The following SCN11A variants were observed in gnomAD, a reference collection of about 807,000 sequenced individuals.
SCN11A encodes the protein sodium channel protein type 11 subunit alpha.
In SCN11A, 122 loss-of-function variants were observed where a neutral mutation model predicts 162.2. The ratio of observed to expected loss-of-function variants is 0.75; its 90% CI spans 0.65 to 0.87. The LOEUF is 0.87. SCN11A is among the 40% of genes least tolerant of loss of function. The pLI is 0.00. For missense variants in SCN11A, 2,015 were observed against 2,181.6 expected, an observed-to-expected ratio of 0.92 and a Z score of 1.52; for synonymous variants, 758 against 751.5, an observed-to-expected ratio of 1.01 and a Z score of -0.14.
chr3:38,925,090 A>G (rs1243802904), intron 9 of SCN11A, among the ~76,000 whole-genome samples: 1 of 151,516 alleles, frequency 6.6e-6, no homozygotes, highest in Non-Finnish European at 1.5e-5. Context: ...TTTTCTTTAT[A>G]TTTTCCCTGG....
In SCN11A at chr3:38,870,677, G is replaced by A. The variant is rs757450924; in HGVS notation, c.3813+14C>T. On this transcript the variant is annotated intron_variant, in intron 26 of 29. Transcript: ENST00000302328. Reference sequence around the variant, plus strand: ...GACCATAACACTCCAGAACATGGTAGAACACTGACTCACCTCTGTGGAATC... The same window carrying A: ...GACCATAACACTCCAGAACATGGTAAAACACTGACTCACCTCTGTGGAATC... 6 of 1,610,282 alleles carry A rather than the reference G, an allele frequency of 3.7e-6. No homozygotes were observed. The highest frequency in any genetic ancestry group is 4.2e-6 in the Non-Finnish European group (5 of 1,176,636).
chr3:38,949,265 G>A (rs2066563752), intron 5 of SCN11A, among the ~76,000 whole-genome samples: 4 of 152,206 alleles, frequency 2.6e-5, no homozygotes, highest in African/African-American at 9.6e-5. Flanking sequence ...TTCCTGAAAG[G>A]GCCAAGTGTG....
Position 39,003,133 on chromosome 3 carries a change from G to A in SCN11A, c.-280+29247C>T, listed in dbSNP as rs1323246720. Among the ~76,000 whole-genome samples the A allele has an allele frequency of 2.0e-5, 3 of 152,274 alleles. No individual in the cohort carries two copies. The East Asian group carries it at 5.8e-4, about 29-fold the overall frequency. ...ACAGATTATTCAATCACCCAGGTAT[G>A]AAGTCCAGTACCGAATAGCTATCAT... is the stretch of plus-strand genomic sequence containing the variant. On this transcript the variant is annotated intron_variant, in intron 2 of 29. Coordinates refer to ENST00000302328, the MANE Select transcript of SCN11A (RefSeq NM_001349253.2).
intron 20 of SCN11A, 127 bp from the exon 21 acceptor site, chr3:38,885,529 G>C (rs2065383766): frequency 3.2e-6 from 2 of 617,850 alleles, no homozygotes. Flanking sequence ...TCTAGGATGA[G>C]AGGTGTCAAG....
At chr3:38,907,310 A>ATGTGTGTGTGTG (rs141158768) in intron 14 of SCN11A, among the ~76,000 whole-genome samples, 2,083 of 119,072 alleles carry the variant, frequency 0.017, 38 homozygotes, top group Middle Eastern at 0.027. Flanking sequence ...ACCAACATAT[A>ATGTGTGTGTGTG]TGTGTGTGTG....
chr3:39,039,747 G>C (rs191717198), intron 1 of SCN11A, among the ~76,000 whole-genome samples: 1 of 152,176 alleles, frequency 6.6e-6, no homozygotes, highest in East Asian at 1.9e-4. Context: ...GCTGCCTTAT[G>C]CATGGGCACC....
rs554360906 is a variant in SCN11A, at chr3:39,021,012, G to GA, written c.-280+11367dup. ...TAGTGAGAGAAGAGCTATTACAACA[G>GA]AGAGAACCTTCTGACCATAAGATCT... On this transcript the variant is annotated intron_variant, in intron 2 of 29. Coordinates refer to ENST00000302328, the MANE Select transcript of SCN11A (RefSeq NM_001349253.2). 3.6e-3 allele frequency among the ~76,000 whole-genome samples: 544 copies of GA among 151,990 alleles called. 9 individuals carry two copies. Among genetic ancestry groups the GA allele is most frequent in the African/African-American group, 0.013 (521 of 41,438 alleles).
intron 2 of SCN11A, among the ~76,000 whole-genome samples, chr3:38,998,775 G>T (rs1454573712): frequency 6.6e-6 from 1 of 151,932 alleles, no homozygotes; most frequent in Non-Finnish European, 1.5e-5. Flanking sequence ...GATGAAGCTG[G>T]AAACCATCAT....
In SCN11A at chr3:38,850,659, CATGCTA is replaced by C. The variant is rs973636502; in HGVS notation, c.4143_4148del (p.Ile1381_Ser1382del). ...TGGGTTGGTTGTATGATTCAGCCAT[CATGCTA>C]ATCATGTTTAGGATAATGAGACTTA... On this transcript the variant is annotated inframe_deletion, in exon 29 of 30. Coordinates refer to ENST00000302328, the MANE Select transcript of SCN11A (RefSeq NM_001349253.2). The C allele has an allele frequency of 1.2e-6, 2 of 1,613,526 alleles. No individual in the cohort carries two copies. Among genetic ancestry groups the C allele is most frequent in the African/African-American group, 2.7e-5 (2 of 74,868 alleles).
rs781378326 is a variant in SCN11A at position 38,867,308 on chromosome 3, C to T, written c.3951+13G>A. On this transcript the variant is annotated intron_variant, in intron 27 of 29. Transcript: ENST00000302328. ...AGATAAAATTACCAAATCAAGACAACCCAGATACTTATCTTTTTCTGCTGT... is the reference window on the plus strand; with the variant it reads ...AGATAAAATTACCAAATCAAGACAATCCAGATACTTATCTTTTTCTGCTGT... 5 of 1,609,970 alleles carry T rather than the reference C, an allele frequency of 3.1e-6. No individual in the cohort carries two copies. Among genetic ancestry groups the T allele is most frequent in the African/African-American group, 1.3e-5 (1 of 74,716 alleles).
chr3:39,043,007 A>ATC (rs886459869), intron 1 of SCN11A, among the ~76,000 whole-genome samples: 25 of 151,520 alleles, frequency 1.6e-4, no homozygotes, highest in Admixed American at 3.3e-4. Flanking sequence ...TGAGCAAAAG[A>ATC]TCTGACTAGA....
intron 2 of SCN11A, among the ~76,000 whole-genome samples, chr3:38,973,018 C>T (rs1021153636): frequency 6.6e-6 from 1 of 152,030 alleles, no homozygotes; most frequent in Non-Finnish European, 1.5e-5. Flanking sequence ...GTTTTAGTTA[C>T]ATTATATAGG....
At chr3:38,950,057 ACCCCC>A in intron 5 of SCN11A, 34 bp downstream of exon 5, 43 of 100,336 alleles carry the variant, frequency 4.3e-4, no homozygotes, top group Non-Finnish European at 5.3e-4. Flanking sequence ...TGGTTAGAAC[ACCCCC>A]ACCCCCACCC....
At chr3:38,895,157 T>C (rs550236560) in intron 18 of SCN11A, among the ~76,000 whole-genome samples, 193 bp from the exon 19 acceptor site, 7 of 152,044 alleles carry the variant, frequency 4.6e-5, no homozygotes, top group Non-Finnish European at 8.8e-5. Flanking sequence ...TAAGACAGAA[T>C]AAAAATTGAA....
At chr3:39,030,707 G>T (rs2031725493) in intron 2 of SCN11A, among the ~76,000 whole-genome samples, 1 of 152,142 alleles carries the variant, frequency 6.6e-6, no homozygotes, top group South Asian at 2.1e-4. Flanking sequence ...AGCCAGTTCA[G>T]CTCCTAACAA....
intron 11 of SCN11A, among the ~76,000 whole-genome samples, chr3:38,912,587 C>A (rs2125540274): frequency 6.6e-6 from 1 of 152,192 alleles, no homozygotes; most frequent in East Asian, 1.9e-4. Context: ...AGGTACTAAG[C>A]CTAGTACCCA....
At chr3:38,918,091 T>G (rs1668543583) in intron 11 of SCN11A, among the ~76,000 whole-genome samples, 1 of 151,500 alleles carries the variant, frequency 6.6e-6, no homozygotes, top group South Asian at 2.1e-4. Context: ...AGTATTGTAA[T>G]AAGAGATTTT....
intron 2 of SCN11A, among the ~76,000 whole-genome samples, chr3:39,009,534 G>C (rs1406333769): frequency 6.7e-6 from 1 of 150,344 alleles, no homozygotes; most frequent in Non-Finnish European, 1.5e-5. Context: ...GGAGAGTTTA[G>C]GTTGAATTTT....
intron 2 of SCN11A, among the ~76,000 whole-genome samples, chr3:38,981,975 G>A (rs2030074326): frequency 6.6e-6 from 1 of 151,564 alleles, no homozygotes; most frequent in Admixed American, 6.6e-5. Flanking sequence ...TCATGCCACT[G>A]TGCTCCAGCC....
Sources: allele counts gnomAD v4.1 joint callset (sites outside exome capture counted in the v4.1 genomes callset), GRCh38; gene constraint gnomAD v4.1.1; transcripts MANE v1.5; gene names NCBI Gene and HGNC (gene_info 2026-07-23, HGNC 2026-07-21).